The following EFHD1 variants were observed in gnomAD, a reference collection of about 807,000 sequenced individuals.
EFHD1 encodes the protein EF-hand domain family member D1.
A neutral mutation model predicts 17.2 loss-of-function variants in EFHD1; 10 were observed. The ratio of observed to expected loss-of-function variants is 0.58; its 90% CI spans 0.36 to 0.99. The LOEUF is 0.99. EFHD1 is among the 50% of genes least tolerant of loss of function. The pLI is 0.01. For synonymous variants in EFHD1, 153 were observed against 142.0 expected (o/e 1.08, Z -0.55); for missense variants, 310 against 327.5 (o/e 0.95, Z 0.41).
chr2:232,627,014 G>GTC (rs34012045), intron 1 of EFHD1, among the ~76,000 whole-genome samples: 3,475 of 69,384 alleles, frequency 0.05, 136 homozygotes, highest in African/African-American at 0.083. Context: ...GTGAGATCCT[G>GTC]TCTCTCTCTC....
chr2:232,676,823 T>C (rs992894925), intron 3 of EFHD1, among the ~76,000 whole-genome samples: 2 of 152,098 alleles, frequency 1.3e-5, no homozygotes, highest in African/African-American at 4.8e-5. Context: ...GGGGAAATGC[T>C]ATTTTGGAGT....
chr2:232,631,304 GTCTCTCTCTC>G (rs987000248), upstream of EFHD1, among the ~76,000 whole-genome samples: 2 of 144,306 alleles, frequency 1.4e-5, no homozygotes, highest in African/African-American at 2.6e-5. Flanking sequence ...CTCTCTCTCT[GTCTCTCTCTC>G]TCTCTCAGAC....
Position 232,677,274 on chromosome 2 carries a change from TAC to T in EFHD1, c.586-4292_586-4291del, listed in dbSNP as rs36180788. On this transcript the variant is annotated intron_variant, in intron 3 of 3. Coordinates refer to ENST00000264059, the MANE Select transcript of EFHD1 (RefSeq NM_025202.4). ...CACACATCTTTCTATAACACACACA[TAC>T]ACACACACACACACACACGTACACA... is the stretch of plus-strand genomic sequence containing the variant. Among the ~76,000 whole-genome samples the T allele has an allele frequency of 4.8e-3, 673 of 141,438 alleles. 4 individuals are homozygous for T. Among genetic ancestry groups the T allele is most frequent in the Non-Finnish European group, 7.2e-3 (476 of 66,542 alleles). The allele number at this position is 141,438 out of a possible 152,430, so 92.8% of individuals were successfully genotyped here.
intron 1 of EFHD1, among the ~76,000 whole-genome samples, chr2:232,613,661 T>TAC (rs141418547): frequency 0.35 from 42,785 of 123,442 alleles, 7,485 homozygotes; most frequent in East Asian, 0.66. Flanking sequence ...CACACACAAA[T>TAC]ACACACACAC....
chr2:232,664,645 G>A (rs193250829), intron 2 of EFHD1, among the ~76,000 whole-genome samples: 125 of 116,016 alleles, frequency 1.1e-3, no homozygotes, highest in African/African-American at 3.7e-3. Flanking sequence ...ATGGAGACTC[G>A]CTCTGTCACC....
chr2:232,638,055 T>C, intron 1 of EFHD1: 1 of 212,018 alleles, frequency 4.7e-6, no homozygotes. Context: ...AAGTTCCCTC[T>C]CCATTTCCAA....
At chr2:232,680,027 C>T (rs1695247773) in intron 3 of EFHD1, among the ~76,000 whole-genome samples, 1 of 152,042 alleles carries the variant, frequency 6.6e-6, no homozygotes, top group Admixed American at 6.6e-5. Context: ...AATTCTAGCA[C>T]TTTGGGAGGC....
chr2:232,622,398 G>C (rs1027721488), intron 1 of EFHD1, among the ~76,000 whole-genome samples: 1 of 151,960 alleles, frequency 6.6e-6, no homozygotes. Context: ...GAACCTGGGA[G>C]GCGGAGGTTG....
At chr2:232,637,720 T>A (rs534735232) in intron 1 of EFHD1, among the ~76,000 whole-genome samples, 6 of 152,296 alleles carry the variant, frequency 3.9e-5, no homozygotes, top group African/African-American at 1.4e-4. Flanking sequence ...TTGCAGTATA[T>A]AACCTGATTA....
In EFHD1 at chr2:232,633,807, G is replaced by GAGCCCA. The variant is rs1273215924; in HGVS notation, c.109_114dup (p.Lys37_Pro38dup). 1.1e-5 allele frequency: 16 copies of GAGCCCA among 1,460,098 alleles called. No individual in the cohort carries two copies. The highest frequency in any genetic ancestry group is 2.6e-5 in the Admixed American group (1 of 38,326). 90.4% of individuals were successfully genotyped at this position (1,460,098 alleles called of 1,614,324 possible). A position where few individuals can be genotyped will look rare whatever the true frequency, so the allele number is the denominator to read the frequency against. ...GGCTCCCCTCGGCGCCCCAGCCCCG[G>GAGCCCA]AGCCCAAGCCCGAGCCCGAGCCTCC... On this transcript the variant is annotated inframe_insertion, in exon 1 of 4. Coordinates refer to ENST00000264059, the MANE Select transcript of EFHD1 (RefSeq NM_025202.4).
chr2:232,668,166 A>G (rs1235206790), intron 2 of EFHD1, among the ~76,000 whole-genome samples: 2 of 152,238 alleles, frequency 1.3e-5, no homozygotes, highest in Non-Finnish European at 2.9e-5. Flanking sequence ...TTTGTGGACT[A>G]TAAATAGGAA....
Position 232,633,765 on chromosome 2 carries a change from G to A in EFHD1, c.61G>A (p.Glu21Lys), listed in dbSNP as rs1376405362. Residue 21 changes from glutamate to lysine, a missense_variant, in exon 1 of 4, where the codon GAG becomes AAG. Coordinates refer to ENST00000264059, the MANE Select transcript of EFHD1 (RefSeq NM_025202.4). ...ERRLRREEAE[E>K]SGPQLAPLGA... ...CCGGCTGCGGCGCGAGGAGGCCGAG[G>A]AGAGTGGCCCCCAGCTGGCTCCCCT... 2.0e-6 allele frequency: 3 copies of A among 1,469,170 alleles called. No homozygotes were observed. Among genetic ancestry groups the A allele is most frequent in the Non-Finnish European group, 2.7e-6 (3 of 1,118,668 alleles). The allele number at this position is 1,469,170 out of a possible 1,614,324, so 91.0% of individuals were successfully genotyped here.
chr2:232,624,624 C>T (rs1188412241), intron 1 of EFHD1, among the ~76,000 whole-genome samples: 2 of 152,276 alleles, frequency 1.3e-5, no homozygotes, highest in East Asian at 3.8e-4. Context: ...CCACTGGGCA[C>T]TGGCAGCCAA....
At chr2:232,676,685 A>C (rs16829406) in intron 3 of EFHD1, among the ~76,000 whole-genome samples, 1,742 of 152,318 alleles carry the variant, frequency 0.011, 30 homozygotes, top group African/African-American at 0.038. Context: ...CTAACTTCAC[A>C]AGATACAAGT....
At chr2:232,619,342 C>A (rs1359735470) in intron 1 of EFHD1, among the ~76,000 whole-genome samples, 1 of 145,352 alleles carries the variant, frequency 6.9e-6, no homozygotes, top group African/African-American at 2.6e-5. Context: ...TGAAGTCTCG[C>A]TCTTTTTCCC....
At chr2:232,663,620 C>T (rs530966995) in intron 2 of EFHD1, among the ~76,000 whole-genome samples, 1 of 152,226 alleles carries the variant, frequency 6.6e-6, no homozygotes, top group South Asian at 2.1e-4. Context: ...TCTGCCTTGG[C>T]CTTCCAAATT....
rs71398729 is a variant in EFHD1, at chr2:232,646,436, CTTT to C, written c.302+12454_302+12456del. On this transcript the variant is annotated intron_variant, in intron 1 of 3. Transcript: ENST00000264059. The stretch of plus-strand genomic sequence containing the variant: ...TCTCTCTTTTCTCTTCTCTTCTCTT[CTTT>C]TTTTTTTTTTTTTTTTTTTTTTTGA... Among the ~76,000 whole-genome samples, 197 of 67,180 alleles carry C rather than the reference CTTT, an allele frequency of 2.9e-3. 4 individuals carry two copies. The highest frequency in any genetic ancestry group is 0.029 in the Admixed American group (146 of 5,096). 44.1% of individuals were successfully genotyped at this position (67,180 alleles called of 152,430 possible). A position where few individuals can be genotyped will look rare whatever the true frequency, so the allele number is the denominator to read the frequency against.
intron 1 of EFHD1, among the ~76,000 whole-genome samples, chr2:232,611,237 T>C (rs976421877): frequency 6.6e-6 from 1 of 151,874 alleles, no homozygotes; most frequent in Non-Finnish European, 1.5e-5. Flanking sequence ...TCCCAAAGTG[T>C]GGGATTACAA....
At chr2:232,677,419 A>G (rs2106220441) in intron 3 of EFHD1, among the ~76,000 whole-genome samples, 1 of 151,606 alleles carries the variant, frequency 6.6e-6, no homozygotes, top group Non-Finnish European at 1.5e-5. Flanking sequence ...CTGATTTTTC[A>G]TTGAAATGGG....
Sources: gnomAD v4.1 joint callset for allele counts (sites outside exome capture counted in the v4.1 genomes callset) on GRCh38, gnomAD v4.1.1 for gene constraint, MANE v1.5 for transcripts, NCBI Gene and HGNC (gene_info 2026-07-23, HGNC 2026-07-21) for gene names.